NRG1: variants seen among roughly 807,000 people sequenced by gnomAD.
NRG1 encodes the protein pro-neuregulin-1, membrane-bound isoform.
In NRG1, 18 loss-of-function variants were observed where a neutral mutation model predicts 63.8. That is an observed-to-expected ratio of 0.28 (90% confidence interval 0.19 to 0.42). The LOEUF is 0.42. NRG1 is among the 10% of genes least tolerant of loss of function. The pLI, the probability that NRG1 is intolerant of heterozygous loss-of-function variation, is 1.00. For missense variants in NRG1, 762 were observed against 814.7 expected (o/e 0.94, Z 0.79); for synonymous variants, 302 against 301.3 (o/e 1.00, Z -0.02).
At chr8:31,781,173 T>C (rs1371820513) in intron 1 of NRG1, among the ~76,000 whole-genome samples, 1 of 152,196 alleles carries the variant, frequency 6.6e-6, no homozygotes, top group Non-Finnish European at 1.5e-5. Context: ...TTCTTTATTC[T>C]GGATGAAGAA....
chr8:32,442,455 A>T (rs977188418), intron 1 of NRG1: 1 of 152,170 alleles, frequency 6.6e-6, no homozygotes, highest in Non-Finnish European at 1.5e-5. Flanking sequence ...GTTGTTGCTT[A>T]TTTCCACTAC....
At chr8:32,476,485 G>C (rs1169359414) in intron 1 of NRG1, among the ~76,000 whole-genome samples, 1 of 152,180 alleles carries the variant, frequency 6.6e-6, no homozygotes, top group African/African-American at 2.4e-5. Context: ...TTATATTGAA[G>C]TACTCATGAT....
chr8:32,353,667 G>A (rs1048025536), intron 1 of NRG1, among the ~76,000 whole-genome samples: 2 of 152,186 alleles, frequency 1.3e-5, no homozygotes, highest in Non-Finnish European at 1.5e-5. Context: ...ACTGACTGTA[G>A]CAACTAGTGG....
Position 31,640,029 on chromosome 8 carries a change from C to G in NRG1, c.37+598C>G. 2 of 1,141,386 alleles carry G rather than the reference C, an allele frequency of 1.8e-6. No homozygotes were observed. Among genetic ancestry groups the G allele is most frequent in the Non-Finnish European group, 2.1e-6 (2 of 931,918 alleles). The allele number at this position is 1,141,386 out of a possible 1,614,324, so 70.7% of individuals were successfully genotyped here. ...CGCGCCGCTCCGGGCGTCCCGGCCC[C>G]CGGGCCCAGCGCCCCGGCTCCGCCG... On this transcript the variant is annotated intron_variant, in intron 1 of 10. Coordinates refer to the NRG1 transcript ENST00000519301. The surrounding 1 kb of genome is among the most constrained non-coding windows in gnomAD (Gnocchi z 6.3).
At chr8:32,728,624 G>C (rs565185358) in intron 6 of NRG1, 1 of 984,916 alleles carries the variant, frequency 1.0e-6, no homozygotes, top group Admixed American at 6.1e-5. Context: ...AGTAAAAAAA[G>C]AGAAAAAAGT....
chr8:31,679,487 A>G (rs935350437), intron 1 of NRG1, among the ~76,000 whole-genome samples: 4 of 152,278 alleles, frequency 2.6e-5, no homozygotes, highest in Non-Finnish European at 5.9e-5. Flanking sequence ...GGATGAATAA[A>G]TACAATAATC....
chr8:32,494,516 G>A (rs916355788), intron 1 of NRG1, among the ~76,000 whole-genome samples: 2 of 151,974 alleles, frequency 1.3e-5, no homozygotes, highest in Non-Finnish European at 2.9e-5. Context: ...CATCTCACTC[G>A]GGGGAGGGGA....
In NRG1 at chr8:32,319,356, A is replaced by G. The variant is rs375022128; in HGVS notation, c.38-276472A>G. On this transcript the variant is annotated intron_variant, in intron 1 of 10. Transcript: ENST00000519301. ...GAAAATGGTCACCTTAAATTTGCCC[A>G]ATAAGACTCAGCTTGGAAATCATTC... Among the ~76,000 whole-genome samples, 34 of 152,268 alleles carry G rather than the reference A, an allele frequency of 2.2e-4. No homozygotes were observed. In the East Asian group the frequency reaches 4.4e-3, roughly 20 times the overall value.
rs562709331 is a variant in NRG1, at chr8:31,853,120, T to G, written c.37+213689T>G. Among the ~76,000 whole-genome samples the G allele has an allele frequency of 5.0e-3, 763 of 152,284 alleles. 12 individuals are homozygous for G. Among genetic ancestry groups the G allele is most frequent in the African/African-American group, 0.018 (741 of 41,552 alleles). On this transcript the variant is annotated intron_variant, in intron 1 of 10. Coordinates refer to the NRG1 transcript ENST00000519301. ...CTCTTTTTTGGTTCCATATGAACTT[T>G]AAAGTAGTTTTTTTCAATTCTGTGA...
intron 3 of NRG1, 90 bp from the exon 4 acceptor site, chr8:32,614,424 C>T (rs1236532822): frequency 2.4e-6 from 3 of 1,268,128 alleles, no homozygotes; most frequent in Non-Finnish European, 3.4e-6. Flanking sequence ...CCTTCCTTTA[C>T]ACTTAACTTT....
At chr8:31,923,712 A>C (rs1119807) in intron 1 of NRG1, among the ~76,000 whole-genome samples, 3 of 151,586 alleles carry the variant, frequency 2.0e-5, no homozygotes, top group Non-Finnish European at 4.4e-5. Flanking sequence ...ATGTGTTGTT[A>C]TTATTTTTTG....
chr8:31,892,283 G>T (rs922896183), intron 1 of NRG1, among the ~76,000 whole-genome samples: 5 of 152,104 alleles, frequency 3.3e-5, no homozygotes, highest in Admixed American at 3.3e-4. Context: ...AGAAGGATCA[G>T]CATAATGAAT....
intron 1 of NRG1, among the ~76,000 whole-genome samples, chr8:32,121,960 T>C (rs1009306857): frequency 6.6e-6 from 1 of 152,046 alleles, no homozygotes; most frequent in African/African-American, 2.4e-5. Flanking sequence ...TGTTCCTCTA[T>C]AGGCCAGGGA....
intron 5 of NRG1, among the ~76,000 whole-genome samples, chr8:32,674,476 T>C (rs1806530795): frequency 6.6e-6 from 1 of 152,102 alleles, no homozygotes; most frequent in South Asian, 2.1e-4. Flanking sequence ...ATGTGTTGTT[T>C]TAAAAGGTTT....
intron 1 of NRG1, among the ~76,000 whole-genome samples, chr8:32,457,673 C>G (rs1180466070): frequency 6.6e-6 from 1 of 152,192 alleles, no homozygotes. Flanking sequence ...CCAAATCTCT[C>G]TGTTACCAGG....
intron 1 of NRG1, among the ~76,000 whole-genome samples, chr8:32,478,268 G>GA (rs1378610406): frequency 6.6e-6 from 1 of 152,000 alleles, no homozygotes; most frequent in Non-Finnish European, 1.5e-5. Context: ...TCCATGTGGG[G>GA]GGGCCTTTTT....
At chr8:32,642,399 C>T (rs1215177738) in intron 5 of NRG1, among the ~76,000 whole-genome samples, 5 of 152,084 alleles carry the variant, frequency 3.3e-5, no homozygotes, top group Non-Finnish European at 7.4e-5. Context: ...GAACATGTAC[C>T]CCAATAAATG....
At chr8:32,170,951 G>A (rs1839959585) in intron 1 of NRG1, among the ~76,000 whole-genome samples, 1 of 152,188 alleles carries the variant, frequency 6.6e-6, no homozygotes, top group Non-Finnish European at 1.5e-5. Flanking sequence ...AGCAGGCTGA[G>A]AATCACTTAC....
At chr8:32,504,629 TAG>T in intron 1 of NRG1, among the ~76,000 whole-genome samples, 1 of 152,208 alleles carries the variant, frequency 6.6e-6, no homozygotes, top group African/African-American at 2.4e-5. Context: ...CAGAAACAGA[TAG>T]AGATTATTTT....
Sources: gnomAD v4.1 joint callset for allele counts (sites outside exome capture counted in the v4.1 genomes callset) on GRCh38, gnomAD v4.1.1 for gene constraint, Gnocchi (gnomAD v3.1) non-coding constraint, MANE v1.5 for transcripts, NCBI Gene and HGNC (gene_info 2026-07-23, HGNC 2026-07-21) for gene names.